The following BTN3A2 variants were observed in gnomAD, a reference collection of about 807,000 sequenced individuals.
BTN3A2 encodes the protein butyrophilin protein.
In BTN3A2, 25 loss-of-function variants were observed where a neutral mutation model predicts 37.6. The ratio of observed to expected loss-of-function variants is 0.66; its 90% CI spans 0.48 to 0.93. BTN3A2 has a LOEUF of 0.93. Ranked by LOEUF, BTN3A2 falls within the 40% of genes least tolerant of loss-of-function variation. BTN3A2 has a pLI of 0.00. For synonymous variants in BTN3A2, 122 were observed against 159.4 expected (o/e 0.77, Z 1.77); for missense variants, 266 against 410.9 (o/e 0.65, Z 3.05).
rs1741746 is a variant in BTN3A2, at chr6:26,368,514, A to G, written c.86-51A>G. The G allele has an allele frequency of 1.0e-4, 161 of 1,612,742 alleles. 1 individual carries two copies. Among genetic ancestry groups the G allele is most frequent in the South Asian group, 3.0e-4 (27 of 91,024 alleles). ...CTGTCTGAGAAGGACCCTTCCTCTC[A>G]TGACCCCAACTCCAAAACCCTCTGA... On this transcript the variant is annotated intron_variant, in intron 3 of 10. Transcript: ENST00000377708.
rs565129970 is a variant in BTN3A2, at chr6:26,374,629, C to T, written c.*7-142C>T. On this transcript the variant is annotated intron_variant, in intron 9 of 10. Transcript: ENST00000377708. Reference sequence around the variant, plus strand: ...TTTTTGAGAAGGTGCCACCTCTGATCCATCAGAGCTGTAGAGGAGGGAAGC... The same window carrying T: ...TTTTTGAGAAGGTGCCACCTCTGATTCATCAGAGCTGTAGAGGAGGGAAGC... 2.1e-4 allele frequency: 207 copies of T among 1,003,024 alleles called. 1 individual carries two copies. Among genetic ancestry groups the T allele is most frequent in the Non-Finnish European group, 1.9e-4 (125 of 674,566 alleles). The allele number at this position is 1,003,024 out of a possible 1,614,324, so 62.1% of individuals were successfully genotyped here. A position where few individuals can be genotyped will look rare whatever the true frequency, so the allele number is the denominator to read the frequency against.
chr6:26,375,793 T>A lies in BTN3A2; in HGVS notation c.*35-4T>A. ...AGATTCATATGTTTATCCCCATTTT[T>A]CAGGTGAGGAAATGCTTCAGATGAG... On this transcript the variant is annotated splice_region_variant and splice_polypyrimidine_tract_variant and intron_variant, in intron 10 of 10. Coordinates refer to ENST00000377708, the MANE Select transcript of BTN3A2 (RefSeq NM_007047.5). The A allele has an allele frequency of 6.4e-7, 1 of 1,550,394 alleles. No homozygotes were observed. Among genetic ancestry groups the A allele is most frequent in the East Asian group, 2.4e-5 (1 of 40,924 alleles).
In BTN3A2 at chr6:26,377,279, C is replaced by G. The variant is rs966943349; in HGVS notation, c.*1517C>G. ...ACAACAGCCAGTCAGAACCATAAAG[C>G]TACAGGCACACACTGAAGCACTTTA... is the stretch of plus-strand genomic sequence containing the variant. On this transcript the variant is annotated 3_prime_UTR_variant, in exon 11 of 11. Coordinates refer to ENST00000377708, the MANE Select transcript of BTN3A2 (RefSeq NM_007047.5). 22 of 778,532 alleles carry G rather than the reference C, an allele frequency of 2.8e-5. No individual in the cohort carries two copies. The highest frequency in any genetic ancestry group is 4.7e-5 in the Non-Finnish European group (21 of 447,986). 48.2% of individuals were successfully genotyped at this position (778,532 alleles called of 1,614,324 possible).
At chr6:26,374,596 G>A in intron 9 of BTN3A2, 175 bp from the exon 10 acceptor site, 1 of 890,930 alleles carries the variant, frequency 1.1e-6, no homozygotes, top group Non-Finnish European at 1.7e-6. Flanking sequence ...AGGGAGCCAA[G>A]CCTGACATTT....
At chr6:26,374,238 AAAGAC>A in intron 8 of BTN3A2, 84 bp from the exon 9 acceptor site, 2 of 461,848 alleles carry the variant, frequency 4.3e-6, no homozygotes, top group Non-Finnish European at 7.2e-6. Context: ...AAAAAAAAAA[AAAGAC>A]TAGATGGATG....
chr6:26,375,107 G>A (rs1261170680), intron 10 of BTN3A2: 1 of 292,206 alleles, frequency 3.4e-6, no homozygotes, highest in Non-Finnish European at 6.3e-6. Flanking sequence ...CCAAGCTTTG[G>A]CCTCCACATT....
At position 26,376,997 on chromosome 6, in the gene BTN3A2, T is replaced by G; in HGVS notation, c.*1235T>G. 6.8e-7 allele frequency: 1 copy of G among 1,475,220 alleles called. No individual in the cohort carries two copies. The highest frequency in any genetic ancestry group is 1.1e-5 in the South Asian group (1 of 87,798). 91.4% of individuals were successfully genotyped at this position (1,475,220 alleles called of 1,614,324 possible). A position where few individuals can be genotyped will look rare whatever the true frequency, so the allele number is the denominator to read the frequency against. On this transcript the variant is annotated 3_prime_UTR_variant, in exon 11 of 11. Coordinates refer to ENST00000377708, the MANE Select transcript of BTN3A2 (RefSeq NM_007047.5). ...CGTTCTACAATGCCACGGATGGATC[T>G]CATATCTACACATTTCTGCACGCCT...
At chr6:26,375,653 G>A (rs12206621) in intron 10 of BTN3A2, 144 bp from the exon 11 acceptor site, 203,020 of 1,501,694 alleles carry the variant, frequency 0.14, 15,130 homozygotes, top group African/African-American at 0.28. Flanking sequence ...GGCATATAAG[G>A]CCCCACACAG....
chr6:26,371,314 A>G (rs1438205015), intron 5 of BTN3A2, among the ~76,000 whole-genome samples: 2 of 152,212 alleles, frequency 1.3e-5, no homozygotes, highest in Admixed American at 1.3e-4. Flanking sequence ...AATGTTAACA[A>G]AGCCCATGAA....
At chr6:26,375,743 A>C in intron 10 of BTN3A2, 54 bp from the exon 11 acceptor site, 1 of 1,548,294 alleles carries the variant, frequency 6.5e-7, no homozygotes, top group Non-Finnish European at 8.7e-7. Context: ...TGAGTAAATA[A>C]TATGATTGCC....
At chr6:26,370,745 C>G in intron 5 of BTN3A2, 142 bp downstream of exon 5, 1 of 1,390,782 alleles carries the variant, frequency 7.2e-7, no homozygotes, top group Non-Finnish European at 9.6e-7. Context: ...CCTCTTTGTG[C>G]CAGGGGAGCT....
Position 26,376,215 on chromosome 6 carries a change from GAAAAAAAAA to G in BTN3A2, c.*466_*474del, listed in dbSNP as rs71544679. ...GAGACAGAGCGAGACTCTGTCTCAA[GAAAAAAAAA>G]AAAAAAAAAAAAGAAAAGAAAATTA... On this transcript the variant is annotated 3_prime_UTR_variant, in exon 11 of 11. Transcript: ENST00000377708. 1.5e-4 allele frequency: 11 copies of G among 75,456 alleles called. No homozygotes were observed. Among genetic ancestry groups the G allele is most frequent in the Non-Finnish European group, 2.5e-4 (10 of 39,924 alleles). 4.7% of individuals were successfully genotyped at this position (75,456 alleles called of 1,614,324 possible).
chr6:26,373,481 C>G, intron 8 of BTN3A2, 68 bp downstream of exon 8: 1 of 1,547,574 alleles, frequency 6.5e-7, no homozygotes, highest in South Asian at 1.3e-5. Context: ...TATTTTCCAG[C>G]CCATAAGTCA....
chr6:26,372,700 ATAG>A, intron 5 of BTN3A2, 194 bp from the exon 6 acceptor site: 1 of 587,648 alleles, frequency 1.7e-6, no homozygotes, highest in Non-Finnish European at 2.9e-6. Flanking sequence ...AAGATAAGTA[ATAG>A]TAGTAGCTTG....
At position 26,375,955 on chromosome 6, in the gene BTN3A2, C is replaced by T; in HGVS notation, c.*193C>T. 8.0e-7 allele frequency: 1 copy of T among 1,253,508 alleles called. No homozygotes were observed. The highest frequency in any genetic ancestry group is 1.1e-6 in the Non-Finnish European group (1 of 899,822). 77.6% of individuals were successfully genotyped at this position (1,253,508 alleles called of 1,614,324 possible). On this transcript the variant is annotated 3_prime_UTR_variant, in exon 11 of 11. Transcript: ENST00000377708. ...AGCACAGCAGCTCATGCCTGTAATC[C>T]TAGCACTTTGGAAGGCTGAGGAGGG...
chr6:26,375,490 CTTT>C, intron 10 of BTN3A2: 1 of 716,424 alleles, frequency 1.4e-6, no homozygotes, highest in Non-Finnish European at 2.3e-6. Context: ...TATCTCCTTT[CTTT>C]CTCCTTCTAA....
chr6:26,368,349 C>T, intron 3 of BTN3A2, 82 bp downstream of exon 3: 3 of 1,545,170 alleles, frequency 1.9e-6, no homozygotes, highest in Non-Finnish European at 1.8e-6. Flanking sequence ...AGACAATTAC[C>T]TAAATGCCCT....
intron 5 of BTN3A2, among the ~76,000 whole-genome samples, chr6:26,371,949 G>T (rs1056384027): frequency 1.3e-5 from 2 of 152,166 alleles, no homozygotes; most frequent in African/African-American, 4.8e-5. Context: ...AAAGTGCTGG[G>T]ATTACAGGCG....
Position 26,377,118 on chromosome 6 carries a change from G to T in BTN3A2, c.*1356G>T. ...AATACCAAAAGTAGAGAGTTCCCCCGATCCCGACCTAGTGCCTGATCATTC... is the reference window on the plus strand; with the variant it reads ...AATACCAAAAGTAGAGAGTTCCCCCTATCCCGACCTAGTGCCTGATCATTC... On this transcript the variant is annotated 3_prime_UTR_variant, in exon 11 of 11. Transcript: ENST00000377708. 1 of 1,315,832 alleles carries T rather than the reference G, an allele frequency of 7.6e-7. No homozygotes were observed. The highest frequency in any genetic ancestry group is 1.1e-6 in the Non-Finnish European group (1 of 909,388). The allele number at this position is 1,315,832 out of a possible 1,614,324, so 81.5% of individuals were successfully genotyped here. A position where few individuals can be genotyped will look rare whatever the true frequency, so the allele number is the denominator to read the frequency against.
Sources: gnomAD v4.1 joint callset for allele counts (sites outside exome capture counted in the v4.1 genomes callset) on GRCh38, gnomAD v4.1.1 for gene constraint, MANE v1.5 for transcripts, NCBI Gene and HGNC (gene_info 2026-07-23, HGNC 2026-07-21) for gene names.